The following NRG1 variants were observed in gnomAD, a reference collection of about 807,000 sequenced individuals.
NRG1 encodes the protein pro-neuregulin-1, membrane-bound isoform.
Under a neutral mutation model 63.8 loss-of-function variants are expected in NRG1, and 18 were observed. The observed-to-expected ratio is 0.28, with a 90% CI of 0.19 to 0.42. NRG1 has a LOEUF of 0.42. Among genes scored for constraint, NRG1 ranks in the 10% least tolerant of loss-of-function variants. The pLI is 1.00. For missense variants in NRG1, 762 were observed against 814.7 expected (o/e 0.94, Z 0.79); for synonymous variants, 302 against 301.3 (o/e 1.00, Z -0.02).
At chr8:31,796,827 GT>G (rs1192458011) in intron 1 of NRG1, among the ~76,000 whole-genome samples, 1 of 151,814 alleles carries the variant, frequency 6.6e-6, no homozygotes, top group Admixed American at 6.6e-5. Flanking sequence ...CCATGGAAAT[GT>G]TTTTTTTCCA....
chr8:32,600,691 A>G (rs867615714), intron 2 of NRG1, among the ~76,000 whole-genome samples: 1 of 152,170 alleles, frequency 6.6e-6, no homozygotes, highest in South Asian at 2.1e-4. Context: ...GAAAATCCAA[A>G]TATTTCAGGA....
At chr8:32,537,195 CAAAAA>C (rs71208193) in intron 1 of NRG1, among the ~76,000 whole-genome samples, 12 of 43,812 alleles carry the variant, frequency 2.7e-4, no homozygotes, top group African/African-American at 9.2e-4. Context: ...GACTCCATCT[CAAAAA>C]AAAAAAAAAA....
chr8:32,495,137 T>C (rs1389058734), intron 1 of NRG1, among the ~76,000 whole-genome samples: 1 of 152,216 alleles, frequency 6.6e-6, no homozygotes, highest in Non-Finnish European at 1.5e-5. Flanking sequence ...GGTGATATGG[T>C]TTGACTAGGT....
intron 5 of NRG1, among the ~76,000 whole-genome samples, chr8:32,625,459 T>A (rs1849047954): frequency 6.6e-6 from 1 of 152,228 alleles, no homozygotes; most frequent in Admixed American, 6.5e-5. Context: ...ACCTCTTGAG[T>A]GAATACCAAA....
chr8:32,677,827 AC>A (rs1454228114), intron 5 of NRG1, among the ~76,000 whole-genome samples: 4 of 152,018 alleles, frequency 2.6e-5, no homozygotes, highest in Admixed American at 1.3e-4. Context: ...AATTTGCCAT[AC>A]CCCCACAAAT....
intron 5 of NRG1, among the ~76,000 whole-genome samples, chr8:32,713,406 T>C (rs1027745999): frequency 6.6e-6 from 1 of 152,154 alleles, no homozygotes; most frequent in Non-Finnish European, 1.5e-5. Context: ...CTTTAGTCCC[T>C]GAAGGGTATT....
At chr8:32,508,285 T>C (rs937251556) in intron 1 of NRG1, among the ~76,000 whole-genome samples, 3 of 122,958 alleles carry the variant, frequency 2.4e-5, no homozygotes, top group Middle Eastern at 3.9e-3. Context: ...AAGTCCACAA[T>C]ATAAGGGCCA....
intron 1 of NRG1, among the ~76,000 whole-genome samples, chr8:32,189,866 A>G (rs2132181119): frequency 6.6e-6 from 1 of 152,300 alleles, no homozygotes; most frequent in Non-Finnish European, 1.5e-5. Flanking sequence ...GATTGGCATT[A>G]GACACATGGT....
chr8:31,676,934 C>A (rs1807765886), intron 1 of NRG1, among the ~76,000 whole-genome samples: 1 of 152,168 alleles, frequency 6.6e-6, no homozygotes. Context: ...GCAAGCATCC[C>A]TGAATGGGAG....
Position 32,680,396 on chromosome 8 carries a change from G to C in NRG1, c.503-47553G>C, listed in dbSNP as rs1808283788. Reference sequence around the variant, plus strand: ...GGAAAGTCCAGGCAAGTGCTGAGTGGATCAGGCTACATAGATTACTGCACA... The same window carrying C: ...GGAAAGTCCAGGCAAGTGCTGAGTGCATCAGGCTACATAGATTACTGCACA... On this transcript the variant is annotated intron_variant, in intron 5 of 11. Coordinates refer to ENST00000356819, the Ensembl canonical transcript of NRG1. 2.6e-5 allele frequency among the ~76,000 whole-genome samples: 4 copies of C among 152,094 alleles called. No individual in the cohort carries two copies. In the South Asian group the frequency reaches 8.3e-4, roughly 32 times the overall value.
chr8:31,949,503 C>A (rs1368241464), intron 1 of NRG1, among the ~76,000 whole-genome samples: 1 of 152,218 alleles, frequency 6.6e-6, no homozygotes. Flanking sequence ...CACTGGATTG[C>A]TCACCACCTT....
intron 1 of NRG1, among the ~76,000 whole-genome samples, chr8:32,184,726 A>G (rs936655257): frequency 2.0e-5 from 3 of 152,166 alleles, no homozygotes; most frequent in Admixed American, 6.6e-5. Flanking sequence ...ATAGTGTATC[A>G]TCTATACTCT....
At chr8:32,149,897 A>T (rs911910649) in intron 1 of NRG1, among the ~76,000 whole-genome samples, 3 of 152,246 alleles carry the variant, frequency 2.0e-5, no homozygotes, top group African/African-American at 7.2e-5. Flanking sequence ...TTCAAGAGGA[A>T]TACTAAATAA....
intron 1 of NRG1, among the ~76,000 whole-genome samples, chr8:32,466,242 G>T (rs944208094): frequency 1.3e-5 from 2 of 152,080 alleles, no homozygotes; most frequent in African/African-American, 4.8e-5. Context: ...CAGGAGGATT[G>T]CTTGAGCCCA....
At chr8:32,650,506 G>A (rs888585494) in intron 5 of NRG1, among the ~76,000 whole-genome samples, 5 of 151,954 alleles carry the variant, frequency 3.3e-5, no homozygotes, top group Non-Finnish European at 7.4e-5. Flanking sequence ...TAAAAATTGT[G>A]AGACTACTTT....
rs940675799 is a variant in NRG1, at chr8:32,740,541, T to C, written c.633-2134T>C. On this transcript the variant is annotated intron_variant, in intron 6 of 11. Transcript: ENST00000356819. ...ACATGTTTCTCAAGGTAGCTCTTCC[T>C]CTATTCCCTGCAGCAAAAATATTCT... 1.5e-4 allele frequency among the ~76,000 whole-genome samples: 23 copies of C among 152,244 alleles called. 1 individual carries two copies. Among genetic ancestry groups the C allele is most frequent in the Admixed American group, 1.4e-3 (21 of 15,268 alleles).
intron 1 of NRG1, among the ~76,000 whole-genome samples, chr8:32,340,005 T>C (rs556173965): frequency 6.6e-6 from 1 of 152,242 alleles, no homozygotes; most frequent in South Asian, 2.1e-4. Flanking sequence ...GCAAGATAAC[T>C]TGACTTTCTC....
At chr8:32,590,246 T>C (rs1842287186) in intron 1 of NRG1, among the ~76,000 whole-genome samples, 1 of 152,190 alleles carries the variant, frequency 6.6e-6, no homozygotes. Context: ...TTTCTAAGGA[T>C]GTGGATATGT....
intron 1 of NRG1, among the ~76,000 whole-genome samples, chr8:32,488,340 G>A (rs1826148286): frequency 6.6e-6 from 1 of 152,172 alleles, no homozygotes; most frequent in African/African-American, 2.4e-5. Flanking sequence ...GGAATTCATG[G>A]AAGACTGGGA....
Sources: gnomAD v4.1 joint callset for allele counts (sites outside exome capture counted in the v4.1 genomes callset) on GRCh38, gnomAD v4.1.1 for gene constraint, MANE v1.5 for transcripts, NCBI Gene and HGNC (gene_info 2026-07-23, HGNC 2026-07-21) for gene names.